The following BMI1 variants were observed in gnomAD, a reference collection of about 807,000 sequenced individuals.
BMI1 encodes polycomb complex protein BMI-1.
BMI1 carries 9 observed loss-of-function variants against 39.1 expected under a neutral mutation model. The observed-to-expected ratio is 0.23, with a 90% CI of 0.14 to 0.40. The LOEUF is 0.40. BMI1 is among the 10% of genes least tolerant of loss of function. The pLI is 1.00. For synonymous variants in BMI1, 131 were observed against 127.9 expected, an observed-to-expected ratio of 1.02 and a Z score of -0.16; for missense variants, 252 against 390.8, an observed-to-expected ratio of 0.64 and a Z score of 2.99.
In BMI1 at chr10:22,328,006, A is replaced by G. The variant is rs1836197453; in HGVS notation, c.373A>G (p.Ile125Val). The change falls in exon 6 of 10, where the codon ATA becomes GTA. Residue 125 changes from isoleucine to valine, a missense_variant. Transcript: ENST00000376663. Reference protein sequence around the residue: ...GEVADEDKRIITDDEIISLSI... With the variant: ...GEVADEDKRIVTDDEIISLSI... Reference sequence around the variant, plus strand: ...GGTTGCAGATGAAGATAAGAGAATTATAACTGATGATGAGATAATAAGCTT... The same window carrying G: ...GGTTGCAGATGAAGATAAGAGAATTGTAACTGATGATGAGATAATAAGCTT... 1.9e-6 allele frequency: 3 copies of G among 1,611,422 alleles called. No individual in the cohort carries two copies. The highest frequency in any genetic ancestry group is 1.7e-5 in the Admixed American group (1 of 59,674).
intron 1 of BMI1, among the ~76,000 whole-genome samples, chr10:22,324,152 T>C (rs1307023723): frequency 6.6e-6 from 1 of 152,188 alleles, no homozygotes; most frequent in African/African-American, 2.4e-5. Context: ...CTTGTCTTTG[T>C]GTGGTGTTGG....
In BMI1 at chr10:22,329,680, A is replaced by G; in HGVS notation, c.*138A>G. 1.9e-6 allele frequency: 2 copies of G among 1,037,512 alleles called. No homozygotes were observed. The highest frequency in any genetic ancestry group is 1.4e-6 in the Non-Finnish European group (1 of 734,622). The allele number at this position is 1,037,512 out of a possible 1,614,324, so 64.3% of individuals were successfully genotyped here. ...TTTTGTAGTGACATTAAATTTGGCT[A>G]TAAAAGATGGACTACATGTGATACT... On this transcript the variant is annotated 3_prime_UTR_variant, in exon 10 of 10. Transcript: ENST00000376663.
chr10:22,328,217 T>C (rs1270645063), intron 7 of BMI1, 38 bp downstream of exon 7: 14 of 1,568,348 alleles, frequency 8.9e-6, no homozygotes, highest in Non-Finnish European at 1.1e-5. Flanking sequence ...GAAGAAACAT[T>C]GTTTGGAATC....
intron 1 of BMI1, among the ~76,000 whole-genome samples, chr10:22,323,528 C>T (rs1049942640): frequency 6.6e-6 from 1 of 152,220 alleles, no homozygotes; most frequent in South Asian, 2.1e-4. Flanking sequence ...CCCCAGGAGT[C>T]AAATTAACCC....
rs536718245 is a variant in BMI1 at position 22,326,940 on chromosome 10, A to G, written c.163A>G (p.Ile55Val). The change falls in exon 3 of 10, where the codon ATT (isoleucine) becomes GTT (valine). Residue 55 changes from isoleucine to valine, a missense_variant. Ile to Val is a conservative substitution (Grantham distance 29). This residue lies in a region of BMI1 where 62 missense variants were observed against 123.3 expected (regional missense o/e 0.50). Coordinates refer to ENST00000376663, the MANE Select transcript of BMI1 (RefSeq NM_005180.9). ...RYLETSKYCP[I>V]CDVQVHKTRP... is the part of the protein sequence containing the mutation. Reference sequence around the variant, plus strand: ...CCTGGAGACCAGCAAGTATTGTCCTATTTGTGATGTCCAAGTTCACAAGAC... The same window carrying G: ...CCTGGAGACCAGCAAGTATTGTCCTGTTTGTGATGTCCAAGTTCACAAGAC... 25 of 1,614,108 alleles carry G rather than the reference A, an allele frequency of 1.5e-5. No individual in the cohort carries two copies. Among genetic ancestry groups the G allele is most frequent in the African/African-American group, 1.5e-4 (11 of 75,074 alleles).
chr10:22,328,010 CTGA>C lies in BMI1; in HGVS notation c.384_386del (p.Asp128del). The C allele has an allele frequency of 1.2e-6, 2 of 1,611,200 alleles. No individual in the cohort carries two copies. Among genetic ancestry groups the C allele is most frequent in the Non-Finnish European group, 1.7e-6 (2 of 1,179,022 alleles). On this transcript the variant is annotated inframe_deletion, in exon 6 of 10. Coordinates refer to ENST00000376663, the MANE Select transcript of BMI1 (RefSeq NM_005180.9). The stretch of plus-strand genomic sequence containing the variant: ...GCAGATGAAGATAAGAGAATTATAA[CTGA>C]TGATGAGATAATAAGCTTATCCATT...
Position 22,327,990 on chromosome 10 carries a change from T to G in BMI1, c.357T>G (p.Asp119Glu), listed in dbSNP as rs1836197158. ...GSNEDRGEVADEDKRIITDDE... is the reference protein window; with the variant it reads ...GSNEDRGEVAEEDKRIITDDE... ...ATGAAGATAGAGGAGAGGTTGCAGA[T>G]GAAGATAAGAGAATTATAACTGATG... The change falls in exon 6 of 10, where the codon GAT becomes GAG. Residue 119 changes from aspartate to glutamate, a missense_variant. Transcript: ENST00000376663. The G allele has an allele frequency of 6.2e-7, 1 of 1,611,040 alleles. No homozygotes were observed. Among genetic ancestry groups the G allele is most frequent in the Admixed American group, 1.7e-5 (1 of 59,604 alleles).
At chr10:22,327,394 A>G (rs1315204086) in intron 3 of BMI1, among the ~76,000 whole-genome samples, 1 of 152,204 alleles carries the variant, frequency 6.6e-6, no homozygotes, top group African/African-American at 2.4e-5. Flanking sequence ...ATTAGTGAAT[A>G]TAAAATATTT....
rs758213472 is a variant in BMI1 at position 22,327,566 on chromosome 10, CAT to C, written c.210-27_210-26del. 1.9e-6 allele frequency: 3 copies of C among 1,568,340 alleles called. No homozygotes were observed. In the South Asian group the frequency reaches 3.6e-5, roughly 19 times the overall value. On this transcript the variant is annotated intron_variant, in intron 3 of 9. Transcript: ENST00000376663. ...ATTTTTAGTTCTTGCCATCTGAATT[CAT>C]AGTTTTCTATTTTAATTATTTTTCA...
Position 22,329,677 on chromosome 10 carries a change from G to C in BMI1, c.*135G>C. 9.1e-7 allele frequency: 1 copy of C among 1,093,972 alleles called. No homozygotes were observed. 67.8% of individuals were successfully genotyped at this position (1,093,972 alleles called of 1,614,324 possible). A position where few individuals can be genotyped will look rare whatever the true frequency, so the allele number is the denominator to read the frequency against. On this transcript the variant is annotated 3_prime_UTR_variant, in exon 10 of 10. Coordinates refer to ENST00000376663, the MANE Select transcript of BMI1 (RefSeq NM_005180.9). The stretch of plus-strand genomic sequence containing the variant: ...TTCTTTTGTAGTGACATTAAATTTG[G>C]CTATAAAAGATGGACTACATGTGAT...
rs140173439 is a variant in BMI1, at chr10:22,321,606, T to C, written c.-110T>C. The C allele has an allele frequency of 6.5e-6, 1 of 152,682 alleles. No homozygotes were observed. The highest frequency in any genetic ancestry group is 1.5e-5 in the Non-Finnish European group (1 of 68,056). The allele number at this position is 152,682 out of a possible 1,614,324, so 9.5% of individuals were successfully genotyped here. A position where few individuals can be genotyped will look rare whatever the true frequency, so the allele number is the denominator to read the frequency against. On this transcript the variant is annotated 5_prime_UTR_variant, in exon 1 of 10. Coordinates refer to ENST00000376663, the MANE Select transcript of BMI1 (RefSeq NM_005180.9). ...CTGCAGCTCGCTTCAAGATGGCCGC[T>C]TGGCTCGCATTCATTTTCTGCTGAA...
At position 22,329,567 on chromosome 10, in the gene BMI1, A is replaced by G; in HGVS notation, c.*25A>G. 1 of 1,604,260 alleles carries G rather than the reference A, an allele frequency of 6.2e-7. No individual in the cohort carries two copies. The highest frequency in any genetic ancestry group is 8.5e-7 in the Non-Finnish European group (1 of 1,174,824). On this transcript the variant is annotated 3_prime_UTR_variant, in exon 10 of 10. Transcript: ENST00000376663. ...ATACCTGAGACTGTTAAGGAAAAAAATTTTAAACCCCTGATTTATATAGAT... is the reference window on the plus strand; with the variant it reads ...ATACCTGAGACTGTTAAGGAAAAAAGTTTTAAACCCCTGATTTATATAGAT...
chr10:22,330,346 G>C lies in BMI1; in HGVS notation c.*804G>C, dbSNP rs1453260848. On this transcript the variant is annotated 3_prime_UTR_variant, in exon 10 of 10. Transcript: ENST00000376663. ...AATGATTGTTAAAATTCTCCCAACT[G>C]GTTCGACCTTTGCAGATACCCATAA... The C allele has an allele frequency of 6.6e-6, 1 of 152,612 alleles. No homozygotes were observed. The highest frequency in any genetic ancestry group is 1.5e-5 in the Non-Finnish European group (1 of 68,022). 9.5% of individuals were successfully genotyped at this position (152,612 alleles called of 1,614,324 possible).
chr10:22,325,415 C>T lies in BMI1; in HGVS notation c.-19-1016C>T, dbSNP rs367833100. On this transcript the variant is annotated intron_variant, in intron 1 of 9. Transcript: ENST00000376663. Reference sequence around the variant, plus strand: ...CGTGAAAAGAGGCCCCCGGAGTGTCCGAAATGGCCGGGAGTGCGGTTTGCA... The same window carrying T: ...CGTGAAAAGAGGCCCCCGGAGTGTCTGAAATGGCCGGGAGTGCGGTTTGCA... Among the ~76,000 whole-genome samples, 51 of 152,248 alleles carry T rather than the reference C, an allele frequency of 3.3e-4. 2 individuals are homozygous for T. In the East Asian group the frequency reaches 8.9e-3, roughly 27 times the overall value.
Position 22,322,634 on chromosome 10 carries a change from T to TCTTTTTCTC in BMI1, c.-20+947_-20+955dup, listed in dbSNP as rs1385951339. The stretch of plus-strand genomic sequence containing the variant: ...GCTGGAGGCTTGCTTTCTCACTACT[T>TCTTTTTCTC]CTTTTTCTCCTTTTTCTTTTTTCCC... On this transcript the variant is annotated intron_variant, in intron 1 of 9. Transcript: ENST00000376663. 2.0e-5 allele frequency among the ~76,000 whole-genome samples: 3 copies of TCTTTTTCTC among 152,192 alleles called. No homozygotes were observed. In the South Asian group the frequency reaches 6.2e-4, roughly 31 times the overall value.
intron 3 of BMI1, 142 bp downstream of exon 3, chr10:22,327,128 T>G: frequency 2.1e-6 from 2 of 963,278 alleles, no homozygotes; most frequent in Non-Finnish European, 1.5e-6. Flanking sequence ...GGGTAGCCGT[T>G]TAATTTCTTG....
Position 22,329,887 on chromosome 10 carries a change from C to T in BMI1, c.*345C>T, listed in dbSNP as rs7919121. 15 of 218,740 alleles carry T rather than the reference C, an allele frequency of 6.9e-5. No individual in the cohort carries two copies. Among genetic ancestry groups the T allele is most frequent in the African/African-American group, 3.0e-4 (13 of 43,536 alleles). 13.5% of individuals were successfully genotyped at this position (218,740 alleles called of 1,614,324 possible). Reference sequence around the variant, plus strand: ...GCCATAGTTTGTTAATCTCAACTAACGCCTACATTACATTCTCCTTGATCG... The same window carrying T: ...GCCATAGTTTGTTAATCTCAACTAATGCCTACATTACATTCTCCTTGATCG... On this transcript the variant is annotated 3_prime_UTR_variant, in exon 10 of 10. Coordinates refer to ENST00000376663, the MANE Select transcript of BMI1 (RefSeq NM_005180.9).
At chr10:22,323,571 C>T (rs993942129) in intron 1 of BMI1, among the ~76,000 whole-genome samples, 1 of 152,208 alleles carries the variant, frequency 6.6e-6, no homozygotes, top group Non-Finnish European at 1.5e-5. Context: ...GGGCTGTGAA[C>T]CCCAACTGGG....
Position 22,329,363 on chromosome 10 carries a change from A to G in BMI1, c.802A>G (p.Thr268Ala). Residue 268 changes from threonine (T) to alanine (A), a missense_variant, in exon 10 of 10, where the codon ACC (threonine) becomes GCC (alanine). Around this residue, in one of 4 missense-constraint regions of BMI1, gnomAD observed 96 missense variants for 120.2 expected, o/e 0.80. Coordinates refer to ENST00000376663, the MANE Select transcript of BMI1 (RefSeq NM_005180.9). The stretch of plus-strand genomic sequence containing the variant: ...CAGCCCAGCAGGAGGTATTCCCTCC[A>G]CCTCTTCTTGTTTGCCTAGCCCCAG... ...ANSPAGGIPS[T>A]SSCLPSPSTP... The G allele has an allele frequency of 6.2e-7, 1 of 1,614,120 alleles. No homozygotes were observed. The highest frequency in any genetic ancestry group is 8.5e-7 in the Non-Finnish European group (1 of 1,180,006).
Sources: allele counts gnomAD v4.1 joint callset (sites outside exome capture counted in the v4.1 genomes callset), GRCh38; gene constraint gnomAD v4.1.1; regional missense constraint gnomAD v4.1.1; transcripts MANE v1.5; gene names NCBI Gene and HGNC (gene_info 2026-07-23, HGNC 2026-07-21).